POLR3B: variants seen among roughly 807,000 people sequenced by gnomAD.
POLR3B encodes the protein DNA-directed RNA polymerase III subunit RPC2.
A neutral mutation model predicts 147.4 loss-of-function variants in POLR3B; 96 were observed. That is an observed-to-expected ratio of 0.65 (90% CI 0.55 to 0.77). The LOEUF (loss-of-function observed/expected upper bound fraction) is 0.77, where lower values mean the gene tolerates loss of function less well. Ranked by LOEUF, POLR3B falls within the 30% of genes least tolerant of loss-of-function variation. The probability of loss-of-function intolerance (pLI) is 0.00; values close to 1 mark genes in which losing one functional copy is unlikely to be tolerated. For synonymous variants in POLR3B, 461 were observed against 485.9 expected, an observed-to-expected ratio of 0.95 and a Z score of 0.67; for missense variants, 1,036 against 1,413.5, an observed-to-expected ratio of 0.73 and a Z score of 4.28.
At chr12:106,483,334 C>T (rs889154216) in intron 23 of POLR3B, among the ~76,000 whole-genome samples, 1 of 152,182 alleles carries the variant, frequency 6.6e-6, no homozygotes, top group Non-Finnish European at 1.5e-5. Context: ...GCCTTGACAG[C>T]CCCAGGGAAA....
intron 10 of POLR3B, among the ~76,000 whole-genome samples, chr12:106,404,539 G>A (rs1450848331): frequency 6.6e-6 from 1 of 152,080 alleles, no homozygotes; most frequent in Non-Finnish European, 1.5e-5. Context: ...GCCCTTATGT[G>A]TTTATTGGCT....
chr12:106,471,400 C>A (rs2038089746), intron 23 of POLR3B, among the ~76,000 whole-genome samples: 1 of 152,148 alleles, frequency 6.6e-6, no homozygotes, highest in African/African-American at 2.4e-5. Flanking sequence ...AAAGGGAAAT[C>A]CCCCAACCCC....
chr12:106,366,760 C>T (rs1474791876), intron 4 of POLR3B, 38 bp downstream of exon 4: 2 of 1,453,016 alleles, frequency 1.4e-6, no homozygotes, highest in Non-Finnish European at 1.9e-6. Flanking sequence ...ATGTGGGTTA[C>T]ATCTAACATT....
At chr12:106,482,989 T>C (rs1592767739) in intron 23 of POLR3B, among the ~76,000 whole-genome samples, 1 of 152,122 alleles carries the variant, frequency 6.6e-6, no homozygotes, top group Non-Finnish European at 1.5e-5. Context: ...CACCTAAGAC[T>C]CATAGCTCCC....
intron 20 of POLR3B, 70 bp from the exon 21 acceptor site, chr12:106,457,068 G>A: frequency 2.3e-6 from 3 of 1,324,706 alleles, no homozygotes; most frequent in Non-Finnish European, 3.3e-6. Flanking sequence ...TTGTTGAGTA[G>A]CACAAATCCA....
intron 7 of POLR3B, among the ~76,000 whole-genome samples, chr12:106,377,156 AT>A (rs2036692906): frequency 6.6e-6 from 1 of 152,118 alleles, no homozygotes; most frequent in African/African-American, 2.4e-5. Flanking sequence ...AGATGAAAGT[AT>A]TTTTTTGTTT....
chr12:106,416,908 C>T (rs142901243), intron 12 of POLR3B, among the ~76,000 whole-genome samples: 156 of 152,202 alleles, frequency 1.0e-3, no homozygotes, highest in African/African-American at 3.6e-3. Context: ...TGCCTTCTAC[C>T]GAAGCTGCCC....
Position 106,380,079 on chromosome 12 carries a change from A to G in POLR3B, c.663A>G (p.Gly221=), listed in dbSNP as rs1370130839. The G allele has an allele frequency of 3.1e-6, 5 of 1,613,226 alleles. No individual in the cohort carries two copies. The African/African-American group carries it at 4.0e-5, about 13-fold the overall frequency. Residue 221 remains glycine, a synonymous_variant, in exon 9 of 28, where the codon GGA becomes GGG. Coordinates refer to ENST00000228347, the MANE Select transcript of POLR3B (RefSeq NM_018082.6). ...GAACCAATATGGCTGTGAAACAAGG[A>G]CGATTTTATTTGAGGCATAATACTT... The part of the protein sequence containing the change: ...KSRTNMAVKQ[G]RFYLRHNTLS...
chr12:106,459,198 T>C, intron 21 of POLR3B, 53 bp from the exon 22 acceptor site: 1 of 1,015,972 alleles, frequency 9.8e-7, no homozygotes, highest in Non-Finnish European at 1.6e-6. Context: ...TCGTAATCTT[T>C]GTATTCCACA....
chr12:106,458,642 G>T (rs1029812802), intron 21 of POLR3B, among the ~76,000 whole-genome samples: 1 of 152,050 alleles, frequency 6.6e-6, no homozygotes, highest in Non-Finnish European at 1.5e-5. Context: ...TCAAGCTGTG[G>T]TTCCAAAGAG....
At chr12:106,394,251 C>T (rs1446365714) in intron 10 of POLR3B, among the ~76,000 whole-genome samples, 1 of 152,150 alleles carries the variant, frequency 6.6e-6, no homozygotes, top group Non-Finnish European at 1.5e-5. Flanking sequence ...TCTTTTTCTA[C>T]AGTTAATTAA....
chr12:106,460,053 G>T (rs78182858), intron 22 of POLR3B, among the ~76,000 whole-genome samples: 4,161 of 152,212 alleles, frequency 0.027, 185 homozygotes, highest in African/African-American at 0.094. Flanking sequence ...TGGCAGTGAG[G>T]GTGACATAGG....
chr12:106,358,409 G>A (rs2036420455), intron 1 of POLR3B, among the ~76,000 whole-genome samples: 1 of 152,190 alleles, frequency 6.6e-6, no homozygotes, highest in Non-Finnish European at 1.5e-5. Flanking sequence ...TGAAGTTCCA[G>A]TTTGGGTTGC....
intron 7 of POLR3B, 142 bp from the exon 8 acceptor site, chr12:106,378,125 C>T: frequency 1.5e-6 from 1 of 651,796 alleles, no homozygotes; most frequent in Non-Finnish European, 2.8e-6. Flanking sequence ...ATAAAATCAG[C>T]AACCCCTTTG....
rs2037216824 is a variant in POLR3B at position 106,410,861 on chromosome 12, T to C, written c.1002T>C (p.Tyr334=). Residue 334 remains tyrosine (Y), a synonymous_variant, in exon 12 of 28, where the codon TAT becomes TAC. Coordinates refer to ENST00000228347, the MANE Select transcript of POLR3B (RefSeq NM_018082.6). The part of the protein sequence containing the change: ...KEFNFRAKCI[Y]TAVMVRRVIL... ...TCAATTTCCGAGCCAAATGTATCTA[T>C]ACTGCAGTGATGGTGCGAAGAGTTA... 1.2e-6 allele frequency: 2 copies of C among 1,613,958 alleles called. No individual in the cohort carries two copies. Among genetic ancestry groups the C allele is most frequent in the Non-Finnish European group, 1.7e-6 (2 of 1,179,840 alleles).
intron 18 of POLR3B, among the ~76,000 whole-genome samples, chr12:106,440,030 G>C (rs1384037429): frequency 6.6e-6 from 1 of 152,140 alleles, no homozygotes; most frequent in Admixed American, 6.5e-5. Context: ...CTGCATTCCA[G>C]CTTGGGCGAG....
At chr12:106,456,545 A>G (rs2037865457) in intron 20 of POLR3B, among the ~76,000 whole-genome samples, 1 of 152,066 alleles carries the variant, frequency 6.6e-6, no homozygotes, top group African/African-American at 2.4e-5. Flanking sequence ...TATTGTTTTT[A>G]CTTGTTGGCT....
intron 23 of POLR3B, 188 bp from the exon 24 acceptor site, chr12:106,495,867 G>A: frequency 1.5e-6 from 1 of 688,374 alleles, no homozygotes; most frequent in South Asian, 1.6e-5. Context: ...CTTTCGCAAG[G>A]AGAGTCGTTT....
chr12:106,437,812 C>T (rs535491072), intron 18 of POLR3B, 33 bp downstream of exon 18: 15 of 1,177,536 alleles, frequency 1.3e-5, no homozygotes, highest in South Asian at 4.9e-5. Context: ...ATAATTAAAA[C>T]GTGTTCTGAC....
Sources: allele counts gnomAD v4.1 joint callset (sites outside exome capture counted in the v4.1 genomes callset), GRCh38; gene constraint gnomAD v4.1.1; transcripts MANE v1.5; gene names NCBI Gene and HGNC (gene_info 2026-07-23, HGNC 2026-07-21).